Variants in SMYD3 observed in about 807,000 individuals in gnomAD.
SMYD3 encodes SET and MYND domain containing 3, also known as histone-lysine N-methyltransferase SMYD3.
Under a neutral mutation model 57.7 loss-of-function variants are expected in SMYD3, and 36 were observed. That is an observed-to-expected ratio of 0.62 (90% confidence interval 0.48 to 0.82). The LOEUF is 0.82. SMYD3 is among the 40% of genes least tolerant of loss of function. SMYD3 has a pLI of 0.00. For missense variants in SMYD3, 515 were observed against 538.8 expected, an observed-to-expected ratio of 0.96 and a Z score of 0.44; for synonymous variants, 211 against 195.0, an observed-to-expected ratio of 1.08 and a Z score of -0.68.
At chr1:246,277,147 G>C (rs1465472786) in intron 5 of SMYD3, among the ~76,000 whole-genome samples, 2 of 151,932 alleles carry the variant, frequency 1.3e-5, no homozygotes, top group African/African-American at 4.8e-5. Context: ...GTTATTTTGT[G>C]AACTTGTAAA....
At chr1:245,764,803 T>C (rs990828082) in intron 10 of SMYD3, among the ~76,000 whole-genome samples, 2 of 152,010 alleles carry the variant, frequency 1.3e-5, no homozygotes, top group Admixed American at 6.6e-5. Flanking sequence ...CCCTTTCACA[T>C]AGAACAGAAT....
chr1:246,287,890 G>GA (rs2064603618), intron 5 of SMYD3, among the ~76,000 whole-genome samples: 1 of 152,080 alleles, frequency 6.6e-6, no homozygotes. Flanking sequence ...AATGAGGGCT[G>GA]AAAACGGAAT....
At position 246,202,477 on chromosome 1, in the gene SMYD3, AATT is replaced by A. The variant is rs2062936966; in HGVS notation, c.531+124721_531+124723del. On this transcript the variant is annotated intron_variant, in intron 5 of 11. Transcript: ENST00000490107. The surrounding 1 kb of genome is among the most constrained non-coding windows in gnomAD (Gnocchi z 4.1). ...GCTGGGCCTTGACTCTGCCTGCAAG[AATT>A]CAGCTGGAACCGAGTCAACTCCTTC... 1.3e-5 allele frequency among the ~76,000 whole-genome samples: 2 copies of A among 152,148 alleles called. No individual in the cohort carries two copies. The highest frequency in any genetic ancestry group is 3.9e-4 in the East Asian group (2 of 5,188).
At chr1:246,028,518 T>G (rs1042400761) in intron 5 of SMYD3, among the ~76,000 whole-genome samples, 3 of 152,008 alleles carry the variant, frequency 2.0e-5, no homozygotes, top group Non-Finnish European at 4.4e-5. Context: ...AACAATAAAT[T>G]TATTGAAGGA....
intron 8 of SMYD3, among the ~76,000 whole-genome samples, chr1:245,875,651 C>T (rs1462565414): frequency 6.6e-6 from 1 of 152,178 alleles, no homozygotes; most frequent in Non-Finnish European, 1.5e-5. Flanking sequence ...TAATATTCTT[C>T]CTCTTGCCCA....
intron 2 of SMYD3, among the ~76,000 whole-genome samples, chr1:246,354,256 T>C (rs1448652452): frequency 6.6e-6 from 1 of 152,166 alleles, no homozygotes; most frequent in Non-Finnish European, 1.5e-5. Flanking sequence ...AATCATAAGG[T>C]TAGAAGAAAA....
At chr1:245,948,128 C>A (rs1440087204) in intron 5 of SMYD3, among the ~76,000 whole-genome samples, 1 of 152,158 alleles carries the variant, frequency 6.6e-6, no homozygotes, top group Non-Finnish European at 1.5e-5. Flanking sequence ...GTCTGATCAC[C>A]CTGGCCTGTC....
At chr1:246,496,988 C>T (rs545202219) in intron 1 of SMYD3, among the ~76,000 whole-genome samples, 1 of 152,344 alleles carries the variant, frequency 6.6e-6, no homozygotes, top group Non-Finnish European at 1.5e-5. Context: ...CTAGTAATGG[C>T]TCTGTCCATT....
intron 1 of SMYD3, among the ~76,000 whole-genome samples, chr1:246,459,898 G>T (rs1376110342): frequency 7.9e-6 from 1 of 126,416 alleles, no homozygotes; most frequent in African/African-American, 3.0e-5. Flanking sequence ...TTTGGCTGCA[G>T]AGGAAACCAT....
chr1:246,461,024 A>G (rs1369813781), intron 1 of SMYD3, among the ~76,000 whole-genome samples: 2 of 152,244 alleles, frequency 1.3e-5, no homozygotes, highest in East Asian at 3.8e-4. Flanking sequence ...ACCATGAGGC[A>G]GAAGACAGCT....
At chr1:246,278,695 C>G (rs2064384147) in intron 5 of SMYD3, among the ~76,000 whole-genome samples, 1 of 152,150 alleles carries the variant, frequency 6.6e-6, no homozygotes, top group Admixed American at 6.5e-5. Flanking sequence ...CAGCTGACAC[C>G]TTGACGAGAG....
chr1:245,759,889 A>G (rs1334752902), intron 11 of SMYD3, among the ~76,000 whole-genome samples: 1 of 152,036 alleles, frequency 6.6e-6, no homozygotes, highest in East Asian at 1.9e-4. Context: ...CAGGGTTCAC[A>G]GGAAAAAAAA....
chr1:246,074,047 A>G (rs1005109230), intron 5 of SMYD3, among the ~76,000 whole-genome samples: 19 of 152,322 alleles, frequency 1.2e-4, no homozygotes, highest in East Asian at 3.9e-4. Context: ...TTCTTAAAAC[A>G]TAAGTTTTTT....
In SMYD3 at chr1:246,168,120, G is replaced by A. The variant is rs138690320; in HGVS notation, c.531+159081C>T. 3.3e-3 allele frequency among the ~76,000 whole-genome samples: 495 copies of A among 152,188 alleles called. 1 individual carries two copies. The highest frequency in any genetic ancestry group is 0.011 in the African/African-American group (465 of 41,490). On this transcript the variant is annotated intron_variant, in intron 5 of 11. Transcript: ENST00000490107. ...GAGACCTTGACAAAATTATCTCTCT[G>A]AGCCAAAATATCTTAAGAGTAAACC...
At chr1:246,427,015 A>G (rs2103004316) in intron 1 of SMYD3, among the ~76,000 whole-genome samples, 1 of 152,284 alleles carries the variant, frequency 6.6e-6, no homozygotes, top group East Asian at 1.9e-4. Context: ...ACTCCTTTGA[A>G]AGTGTGTGTT....
chr1:245,897,807 G>C (rs1164521996), intron 8 of SMYD3, among the ~76,000 whole-genome samples: 1 of 152,066 alleles, frequency 6.6e-6, no homozygotes, highest in African/African-American at 2.4e-5. Flanking sequence ...GGCAAGGCAG[G>C]AGAATTACTG....
At chr1:246,397,912 T>A (rs1264344699) in intron 1 of SMYD3, among the ~76,000 whole-genome samples, 31 of 132,122 alleles carry the variant, frequency 2.3e-4, no homozygotes, top group Admixed American at 4.6e-4. Context: ...GGTTGAGTCA[T>A]AAAAAAAAAA....
At chr1:246,405,669 G>T (rs986653520) in intron 1 of SMYD3, among the ~76,000 whole-genome samples, 1 of 152,116 alleles carries the variant, frequency 6.6e-6, no homozygotes, top group African/African-American at 2.4e-5. Context: ...AGCACTTTGG[G>T]AGGCCGAGGC....
intron 5 of SMYD3, among the ~76,000 whole-genome samples, chr1:246,301,418 A>T (rs1032493204): frequency 2.0e-5 from 3 of 152,164 alleles, no homozygotes; most frequent in African/African-American, 7.2e-5. Context: ...AAAGGGAGGT[A>T]GTACACTTCC....
Sources: gnomAD v4.1 joint callset for allele counts (sites outside exome capture counted in the v4.1 genomes callset) on GRCh38, gnomAD v4.1.1 for gene constraint, Gnocchi (gnomAD v3.1) non-coding constraint, MANE v1.5 for transcripts, NCBI Gene and HGNC (gene_info 2026-07-23, HGNC 2026-07-21) for gene names.